RIN2: variants seen among roughly 807,000 people sequenced by gnomAD.
The protein encoded by RIN2 is Ras and Rab interactor 2.
RIN2 carries 36 observed loss-of-function variants against 78.0 expected under a neutral mutation model. That is an observed-to-expected ratio of 0.46 (90% CI 0.35 to 0.61). The LOEUF (loss-of-function observed/expected upper bound fraction) is 0.61, where lower values mean the gene tolerates loss of function less well. RIN2 is among the 20% of genes least tolerant of loss of function. RIN2 has a pLI of 0.00. For synonymous variants in RIN2, 466 were observed against 466.8 expected (o/e 1.00, Z 0.02); for missense variants, 1,087 against 1,159.7 (o/e 0.94, Z 0.91).
chr20:19,836,749 C>G (rs944912190), intron 2 of RIN2, among the ~76,000 whole-genome samples: 5 of 152,144 alleles, frequency 3.3e-5, no homozygotes, highest in African/African-American at 1.2e-4. Flanking sequence ...TAATGAGTTT[C>G]TGTTCCATTA....
In RIN2 at chr20:19,946,222, G is replaced by A. The variant is rs559516250; in HGVS notation, c.159-10393G>A. Among the ~76,000 whole-genome samples the A allele has an allele frequency of 2.6e-5, 4 of 152,304 alleles. No individual in the cohort carries two copies. In the South Asian group the frequency reaches 8.3e-4, roughly 32 times the overall value. On this transcript the variant is annotated intron_variant, in intron 4 of 12. Coordinates refer to ENST00000255006, the MANE Select transcript of RIN2 (RefSeq NM_018993.4). Reference sequence around the variant, plus strand: ...AGTCTGACCAGAGTGGAATGGGGTAGGGGCCCTGGAGGTGTGGGGACAGTA... The same window carrying A: ...AGTCTGACCAGAGTGGAATGGGGTAAGGGCCCTGGAGGTGTGGGGACAGTA...
chr20:19,903,042 G>C (rs992276983), intron 3 of RIN2, among the ~76,000 whole-genome samples: 2 of 152,116 alleles, frequency 1.3e-5, no homozygotes, highest in Admixed American at 1.3e-4. Flanking sequence ...GCCGTGAGCC[G>C]AGATTGTGCC....
chr20:19,855,193 G>A (rs865833910), intron 2 of RIN2, among the ~76,000 whole-genome samples: 1 of 151,946 alleles, frequency 6.6e-6, no homozygotes, highest in Non-Finnish European at 1.5e-5. Context: ...TTATTGATTT[G>A]CGTATGTTGA....
At chr20:19,870,206 A>G (rs952978737) in intron 2 of RIN2, among the ~76,000 whole-genome samples, 26 of 152,308 alleles carry the variant, frequency 1.7e-4, no homozygotes, top group African/African-American at 6.0e-4. Flanking sequence ...TAATCATCAT[A>G]TGATACTTTG....
At chr20:19,980,155 G>A (rs1236171876) in intron 9 of RIN2, among the ~76,000 whole-genome samples, 5 of 151,576 alleles carry the variant, frequency 3.3e-5, no homozygotes, top group Admixed American at 3.3e-4. Flanking sequence ...TAGTACATGT[G>A]ACCCTATCGC....
chr20:19,858,416 G>GGGTAA (rs2037231532), intron 2 of RIN2, among the ~76,000 whole-genome samples: 1 of 152,170 alleles, frequency 6.6e-6, no homozygotes, highest in Non-Finnish European at 1.5e-5. Context: ...CTTTGAGTCT[G>GGGTAA]GGTAACCTGA....
chr20:19,971,152 G>A (rs1303911114), intron 8 of RIN2, among the ~76,000 whole-genome samples: 1 of 151,932 alleles, frequency 6.6e-6, no homozygotes, highest in East Asian at 1.9e-4. Flanking sequence ...TTGACAGAAA[G>A]AGAAATCCAG....
chr20:19,782,050 C>T (rs1008299161), intron 1 of RIN2, among the ~76,000 whole-genome samples: 6 of 152,158 alleles, frequency 3.9e-5, no homozygotes, highest in Non-Finnish European at 7.3e-5. Context: ...AATGACAAGA[C>T]AGTTAACCCT....
intron 3 of RIN2, among the ~76,000 whole-genome samples, chr20:19,922,891 T>C (rs1297216209): frequency 1.3e-5 from 2 of 152,144 alleles, no homozygotes; most frequent in African/African-American, 4.8e-5. Context: ...AGGGTGTAAG[T>C]CACTCAGCCC....
intron 2 of RIN2, among the ~76,000 whole-genome samples, chr20:19,802,114 T>C (rs757513618): frequency 6.6e-6 from 1 of 152,202 alleles, no homozygotes; most frequent in Admixed American, 6.5e-5. Context: ...ACATCATCCG[T>C]TGTCACATTT....
chr20:19,934,743 C>T (rs914458891), intron 3 of RIN2: 9 of 347,084 alleles, frequency 2.6e-5, no homozygotes, highest in African/African-American at 1.1e-4. Context: ...TATTGAGGCC[C>T]GGTTTTGCCA....
chr20:19,930,137 C>T (rs1600842515), intron 3 of RIN2, among the ~76,000 whole-genome samples: 1 of 152,172 alleles, frequency 6.6e-6, no homozygotes, highest in Admixed American at 6.5e-5. Context: ...TCCCCACATC[C>T]AGCAGGGAAG....
chr20:19,958,887 A>G (rs1393881405), intron 5 of RIN2, among the ~76,000 whole-genome samples: 1 of 152,152 alleles, frequency 6.6e-6, no homozygotes, highest in East Asian at 1.9e-4. Flanking sequence ...ATAATTAAAT[A>G]AAATAAAGAA....
intron 2 of RIN2, among the ~76,000 whole-genome samples, chr20:19,869,208 A>G (rs978188673): frequency 6.6e-6 from 1 of 152,230 alleles, no homozygotes; most frequent in Non-Finnish European, 1.5e-5. Context: ...AGAAATGCAA[A>G]TAAAGGTTTG....
rs575137617 is a variant in RIN2, at chr20:19,999,676, T to G, written c.2365-937T>G. Among the ~76,000 whole-genome samples, 4 of 152,380 alleles carry G rather than the reference T, an allele frequency of 2.6e-5. No individual in the cohort carries two copies. In the South Asian group the frequency reaches 8.3e-4, roughly 32 times the overall value. ...AGGAGAGCCTGATGTGAGTTTAAGA[T>G]TCTTTATGCCTGGTCTGGGCTTTGT... On this transcript the variant is annotated intron_variant, in intron 12 of 12. Transcript: ENST00000255006.
At chr20:19,873,353 C>T (rs371243753) in intron 2 of RIN2, among the ~76,000 whole-genome samples, 37 of 152,054 alleles carry the variant, frequency 2.4e-4, no homozygotes, top group African/African-American at 8.2e-4. Flanking sequence ...TCTTGAACTC[C>T]GGGGTCAAGG....
chr20:19,830,061 C>T (rs575724953), intron 2 of RIN2, among the ~76,000 whole-genome samples: 30 of 152,176 alleles, frequency 2.0e-4, no homozygotes, highest in African/African-American at 4.1e-4. Flanking sequence ...TATCAAAATA[C>T]GGATTGTGAT....
At chr20:19,839,900 T>C (rs2036532765) in intron 2 of RIN2, among the ~76,000 whole-genome samples, 1 of 152,178 alleles carries the variant, frequency 6.6e-6, no homozygotes, top group African/African-American at 2.4e-5. Context: ...AATGCAAAAT[T>C]GAAACCCGCC....
At chr20:19,998,389 G>T (rs2043037941) in intron 12 of RIN2, among the ~76,000 whole-genome samples, 1 of 152,064 alleles carries the variant, frequency 6.6e-6, no homozygotes, top group South Asian at 2.1e-4. Flanking sequence ...TTGAGGCCAG[G>T]AGTTGGAGAC....
Sources: allele counts gnomAD v4.1 joint callset (sites outside exome capture counted in the v4.1 genomes callset), GRCh38; gene constraint gnomAD v4.1.1; transcripts MANE v1.5; gene names NCBI Gene and HGNC (gene_info 2026-07-23, HGNC 2026-07-21).